The following SNX29 variants were observed in gnomAD, a reference collection of about 807,000 sequenced individuals.
SNX29 encodes sorting nexin 29.
SNX29 carries 78 observed loss-of-function variants against 102.1 expected under a neutral mutation model. The ratio of observed to expected loss-of-function variants is 0.76; its 90% CI spans 0.64 to 0.92. The LOEUF is 0.92. Ranked by LOEUF, SNX29 falls within the 40% of genes least tolerant of loss-of-function variation. The pLI, the probability that SNX29 is intolerant of heterozygous loss-of-function variation, is 0.00. For synonymous variants in SNX29, 580 were observed against 414.5 expected (o/e 1.40, Z -4.85); for missense variants, 1,280 against 1,061.7 (o/e 1.21, Z -2.86).
intron 11 of SNX29, among the ~76,000 whole-genome samples, chr16:12,085,112 G>C (rs2151374992): frequency 6.6e-6 from 1 of 152,104 alleles, no homozygotes; most frequent in South Asian, 2.1e-4. Flanking sequence ...GGCAGTGAGT[G>C]TCTTCTGTCC....
chr16:12,267,327 C>T (rs1014593689), intron 14 of SNX29, among the ~76,000 whole-genome samples: 2 of 151,850 alleles, frequency 1.3e-5, no homozygotes, highest in African/African-American at 4.8e-5. Flanking sequence ...TGTTCCCAAG[C>T]GGGGGATTTT....
chr16:12,162,451 C>A (rs1462330238), intron 13 of SNX29, among the ~76,000 whole-genome samples: 1 of 152,286 alleles, frequency 6.6e-6, no homozygotes, highest in Non-Finnish European at 1.5e-5. Context: ...CTTTGCAGGC[C>A]ATATGGTCTC....
chr16:12,492,182 C>G (rs1289354784), intron 19 of SNX29, among the ~76,000 whole-genome samples: 2 of 152,216 alleles, frequency 1.3e-5, no homozygotes, highest in Non-Finnish European at 2.9e-5. Flanking sequence ...CACATCCTCG[C>G]CAGCACCTGT....
Position 12,570,059 on chromosome 16 carries a change from G to A in SNX29, c.*1430G>A, listed in dbSNP as rs2079153878. 3 of 607,918 alleles carry A rather than the reference G, an allele frequency of 4.9e-6. No homozygotes were observed. Among genetic ancestry groups the A allele is most frequent in the Middle Eastern group, 6.7e-4 (1 of 1,484 alleles). The allele number at this position is 607,918 out of a possible 1,614,324, so 37.7% of individuals were successfully genotyped here. A position where few individuals can be genotyped will look rare whatever the true frequency, so the allele number is the denominator to read the frequency against. On this transcript the variant is annotated 3_prime_UTR_variant, in exon 21 of 21. Coordinates refer to ENST00000566228, the MANE Select transcript of SNX29 (RefSeq NM_032167.5). ...ATCTCCTAGGCTCGAGGACATCTCT[G>A]GAGAATCATCTGGAAGGTTTATACT...
chr16:12,034,342 T>G (rs183224101), intron 4 of SNX29, among the ~76,000 whole-genome samples: 1 of 152,216 alleles, frequency 6.6e-6, no homozygotes, highest in African/African-American at 2.4e-5. Flanking sequence ...TTTTCTTTTG[T>G]ATTCATGCAC....
At chr16:12,351,177 C>T (rs2081982314) in intron 15 of SNX29, among the ~76,000 whole-genome samples, 1 of 151,708 alleles carries the variant, frequency 6.6e-6, no homozygotes, top group Non-Finnish European at 1.5e-5. Context: ...TGAGCTGGTG[C>T]ACCTAATGCC....
In SNX29 at chr16:12,260,086, C is replaced by G. The variant is rs1198579976; in HGVS notation, c.1679-17847C>G. Among the ~76,000 whole-genome samples, 4 of 152,152 alleles carry G rather than the reference C, an allele frequency of 2.6e-5. No homozygotes were observed. The East Asian group carries it at 7.7e-4, about 29-fold the overall frequency. On this transcript the variant is annotated intron_variant, in intron 14 of 20. Transcript: ENST00000566228. ...CTTCTCTGTGACCCCTTTTTTCTCT[C>G]CATTGTGACCTGACCCTATGGCATT...
chr16:12,288,864 T>C (rs1385575366), intron 15 of SNX29, among the ~76,000 whole-genome samples: 1 of 152,122 alleles, frequency 6.6e-6, no homozygotes, highest in South Asian at 2.1e-4. Context: ...GTCATGGGGC[T>C]AGCATAGGTA....
chr16:12,203,540 T>A (rs1176097049), intron 14 of SNX29, among the ~76,000 whole-genome samples: 1 of 151,864 alleles, frequency 6.6e-6, no homozygotes, highest in Non-Finnish European at 1.5e-5. Context: ...GTTGGACTGG[T>A]GGCATTGGAG....
At chr16:12,239,447 C>G (rs991076658) in intron 14 of SNX29, among the ~76,000 whole-genome samples, 6 of 151,764 alleles carry the variant, frequency 4.0e-5, no homozygotes, top group Non-Finnish European at 8.8e-5. Context: ...CTTTTGTCTC[C>G]CAAAGCACCT....
chr16:12,561,964 T>G (rs1042459455), intron 20 of SNX29, among the ~76,000 whole-genome samples: 2 of 152,076 alleles, frequency 1.3e-5, no homozygotes, highest in African/African-American at 4.8e-5. Flanking sequence ...GGGCATGATG[T>G]CCCCAGAGTG....
chr16:12,417,028 C>G (rs563519415), intron 18 of SNX29, among the ~76,000 whole-genome samples: 1 of 152,380 alleles, frequency 6.6e-6, no homozygotes, highest in African/African-American at 2.4e-5. Context: ...AGGCACTGCG[C>G]CTAGTGAGAT....
chr16:12,328,889 T>C (rs763368601), intron 15 of SNX29, among the ~76,000 whole-genome samples: 2 of 152,098 alleles, frequency 1.3e-5, no homozygotes, highest in Non-Finnish European at 2.9e-5. Flanking sequence ...GCTGAAGCGA[T>C]GTGATGTCGG....
intron 19 of SNX29, among the ~76,000 whole-genome samples, chr16:12,483,114 G>GTTTTTTGTTTTTT (rs2088031350): frequency 7.6e-5 from 5 of 66,196 alleles, no homozygotes; most frequent in African/African-American, 2.4e-4. Flanking sequence ...AAGTTATTAA[G>GTTTTTTGTTTTTT]TTTTTTTTTT....
rs1409408831 is a variant in SNX29, at chr16:12,570,888, A to G, written c.*2259A>G. 1 of 230,962 alleles carries G rather than the reference A, an allele frequency of 4.3e-6. No homozygotes were observed. Among genetic ancestry groups the G allele is most frequent in the Non-Finnish European group, 8.5e-6 (1 of 117,034 alleles). The allele number at this position is 230,962 out of a possible 1,614,324, so 14.3% of individuals were successfully genotyped here. ...CCTCCTACTTTTATAATACTGAATT[A>G]TTCACAAAAAACCTGGTCTGCTCTC... On this transcript the variant is annotated 3_prime_UTR_variant, in exon 21 of 21. Coordinates refer to ENST00000566228, the MANE Select transcript of SNX29 (RefSeq NM_032167.5).
intron 14 of SNX29, among the ~76,000 whole-genome samples, chr16:12,262,751 T>C (rs896756585): frequency 6.6e-6 from 1 of 152,226 alleles, no homozygotes; most frequent in East Asian, 1.9e-4. Flanking sequence ...ATTTGAATTG[T>C]TTTAATGCAG....
intron 19 of SNX29, among the ~76,000 whole-genome samples, chr16:12,491,462 C>T (rs1385162591): frequency 1.3e-5 from 2 of 152,176 alleles, no homozygotes; most frequent in Non-Finnish European, 2.9e-5. Flanking sequence ...ATTTATATTT[C>T]ACCAACACAA....
rs564667851 is a variant in SNX29 at position 12,064,484 on chromosome 16, C to G, written c.1243+2838C>G. Among the ~76,000 whole-genome samples the G allele has an allele frequency of 3.3e-5, 5 of 152,360 alleles. No homozygotes were observed. In the South Asian group the frequency reaches 1.0e-3, roughly 32 times the overall value. Reference sequence around the variant, plus strand: ...CGAGCTCCAGCTGATGTCGAATGCACTCTCTGGAGATGACGTGTGCCGGCG... The same window carrying G: ...CGAGCTCCAGCTGATGTCGAATGCAGTCTCTGGAGATGACGTGTGCCGGCG... On this transcript the variant is annotated intron_variant, in intron 9 of 20. Transcript: ENST00000566228.
chr16:12,002,232 G>C (rs1160805069), intron 2 of SNX29, among the ~76,000 whole-genome samples: 3 of 152,116 alleles, frequency 2.0e-5, no homozygotes, highest in Admixed American at 1.3e-4. Flanking sequence ...CGGATCACCT[G>C]AGGTCGGGAG....
Sources: allele counts gnomAD v4.1 joint callset (sites outside exome capture counted in the v4.1 genomes callset), GRCh38; gene constraint gnomAD v4.1.1; transcripts MANE v1.5; gene names NCBI Gene and HGNC (gene_info 2026-07-23, HGNC 2026-07-21).